The following RSF1 variants were observed in gnomAD, a reference collection of about 807,000 sequenced individuals.
RSF1 encodes HBV pX-associated protein 8.
RSF1 carries 13 observed loss-of-function variants against 145.2 expected under a neutral mutation model. The observed-to-expected ratio is 0.09, with a 90% CI of 0.06 to 0.14. The LOEUF is 0.14. Among genes scored for constraint, RSF1 ranks in the 10% least tolerant of loss-of-function variants. The pLI is 1.00. For synonymous variants in RSF1, 577 were observed against 592.6 expected (o/e 0.97, Z 0.38); for missense variants, 1,517 against 1,718.2 (o/e 0.88, Z 2.07).
chr11:77,832,949 ATATGTGTGTG>A, the RSF1 span, among the ~76,000 whole-genome samples: 4,414 of 96,076 alleles, frequency 0.046, 258 homozygotes, highest in African/African-American at 0.073. Flanking sequence ...TTGTATATAT[ATATGTGTGTG>A]TGTGTGTGTG....
chr11:77,855,637 C>A, the RSF1 span, among the ~76,000 whole-genome samples: 2 of 147,850 alleles, frequency 1.4e-5, no homozygotes, highest in African/African-American at 4.9e-5. Context: ...CCTTTTTTTT[C>A]TTTTATGCCA....
chr11:77,832,951 ATGTG>A, the RSF1 span, among the ~76,000 whole-genome samples: 1,511 of 68,372 alleles, frequency 0.022, 107 homozygotes, highest in South Asian at 0.046. Context: ...GTATATATAT[ATGTG>A]TGTGTGTGTG....
chr11:77,754,709 A>T (rs2135927783), intron 2 of RSF1, among the ~76,000 whole-genome samples: 1 of 152,140 alleles, frequency 6.6e-6, no homozygotes, highest in African/African-American at 2.4e-5. Flanking sequence ...ACACCACTGC[A>T]CTCCAGTCTA....
intron 1 of RSF1, among the ~76,000 whole-genome samples, chr11:77,768,620 G>A (rs1019218491): frequency 2.0e-5 from 3 of 152,070 alleles, no homozygotes; most frequent in African/African-American, 4.8e-5. Flanking sequence ...AGTGGCTACT[G>A]TACTGGATAG....
chr11:77,676,138 T>C (rs1453579638), intron 13 of RSF1, among the ~76,000 whole-genome samples: 1 of 152,216 alleles, frequency 6.6e-6, no homozygotes, highest in Non-Finnish European at 1.5e-5. Flanking sequence ...AGTCTCATAC[T>C]TGTTGATTCC....
At chr11:77,725,202 G>A (rs769461869) in intron 5 of RSF1, among the ~76,000 whole-genome samples, 2 of 152,170 alleles carry the variant, frequency 1.3e-5, no homozygotes, top group Non-Finnish European at 2.9e-5. Context: ...TAATGCCACA[G>A]AACTGTATGG....
chr11:77,768,500 T>C (rs1054516798), intron 1 of RSF1, among the ~76,000 whole-genome samples: 2 of 152,136 alleles, frequency 1.3e-5, no homozygotes, highest in African/African-American at 4.8e-5. Flanking sequence ...TTGTACTAAG[T>C]AAAAGATTTT....
the RSF1 span, among the ~76,000 whole-genome samples, chr11:77,833,505 G>A: frequency 6.6e-6 from 1 of 151,996 alleles, no homozygotes; most frequent in African/African-American, 2.4e-5. Context: ...AGTAATGTGA[G>A]CCACAGGAAG....
chr11:77,798,633 C>T, intron 1 of RSF1, among the ~76,000 whole-genome samples: 1 of 79,888 alleles, frequency 1.3e-5, no homozygotes, highest in Non-Finnish European at 2.5e-5. Context: ...GGCACATATA[C>T]ACCATGGAAT....
chr11:77,748,517 T>G (rs1011644471), intron 2 of RSF1, among the ~76,000 whole-genome samples: 1 of 151,796 alleles, frequency 6.6e-6, no homozygotes, highest in Non-Finnish European at 1.5e-5. Context: ...TGGCTGACAG[T>G]GTTACGTTTT....
chr11:77,714,608 G>A (rs1020740332), intron 5 of RSF1, among the ~76,000 whole-genome samples: 1 of 152,180 alleles, frequency 6.6e-6, no homozygotes, highest in African/African-American at 2.4e-5. Context: ...TTGGGAGGCC[G>A]AGACAGGCAG....
intron 6 of RSF1, 43 bp from the exon 7 acceptor site, chr11:77,698,736 T>C (rs1960342423): frequency 3.3e-6 from 5 of 1,531,922 alleles, no homozygotes; most frequent in Non-Finnish European, 4.5e-6. Context: ...GATATAAGAA[T>C]GTCTTTTAAA....
At chr11:77,791,103 G>C (rs1344030341) in intron 1 of RSF1, among the ~76,000 whole-genome samples, 1 of 152,210 alleles carries the variant, frequency 6.6e-6, no homozygotes, top group Non-Finnish European at 1.5e-5. Flanking sequence ...CACTCCATGA[G>C]GACCCTGCCC....
At chr11:77,842,374 G>A in the RSF1 span, 2 of 1,090,364 alleles carry the variant, frequency 1.8e-6, no homozygotes, top group Non-Finnish European at 2.6e-6. Flanking sequence ...TAAATGAAAA[G>A]ATGCTTCTTA....
chr11:77,821,981 G>A (rs1311264778), upstream of RSF1, among the ~76,000 whole-genome samples: 1 of 152,066 alleles, frequency 6.6e-6, no homozygotes, highest in African/African-American at 2.4e-5. Flanking sequence ...ACAGTAAAGT[G>A]ATTAGCACAG....
At chr11:77,702,925 G>C (rs936750165) in intron 5 of RSF1, 1 of 152,598 alleles carries the variant, frequency 6.6e-6, no homozygotes, top group Non-Finnish European at 1.5e-5. Context: ...CCAGGAACAC[G>C]GCAGTGGGAA....
rs760824899 is a variant in RSF1, at chr11:77,702,409, T to C, written c.820A>G (p.Thr274Ala). 6.2e-7 allele frequency: 1 copy of C among 1,607,882 alleles called. No individual in the cohort carries two copies. Among genetic ancestry groups the C allele is most frequent in the Non-Finnish European group, 8.5e-7 (1 of 1,178,612 alleles). ...NRSTANVLEETTVKKEKEDEK... is the reference protein window; with the variant it reads ...NRSTANVLEEATVKKEKEDEK... ...TCTTCTTTTTCTTTTTTCACAGTAGTCTCTTCTAGAACATTGGCTGTAGAA... is the reference window on the plus strand; with the variant it reads ...TCTTCTTTTTCTTTTTTCACAGTAGCCTCTTCTAGAACATTGGCTGTAGAA... Residue 274 changes from threonine (T) to alanine (A), a missense_variant, in exon 6 of 16, where the codon ACT becomes GCT. By Grantham distance (58) the Thr-to-Ala change is moderately conservative (BLOSUM62 0). Coordinates refer to ENST00000308488, the MANE Select transcript of RSF1 (RefSeq NM_016578.4).
At chr11:77,751,360 C>T (rs1326889048) in intron 2 of RSF1, among the ~76,000 whole-genome samples, 1 of 152,160 alleles carries the variant, frequency 6.6e-6, no homozygotes, top group Non-Finnish European at 1.5e-5. Context: ...CACTTAAGTT[C>T]CAGTCTGGAA....
upstream of RSF1, among the ~76,000 whole-genome samples, chr11:77,822,414 CAA>C (rs66463325): frequency 2.7e-5 from 2 of 74,782 alleles, no homozygotes; most frequent in Non-Finnish European, 2.6e-5. Flanking sequence ...GACTCCACCT[CAA>C]AAAAAAAAAA....
Sources: allele counts gnomAD v4.1 joint callset (sites outside exome capture counted in the v4.1 genomes callset), GRCh38; gene constraint gnomAD v4.1.1; transcripts MANE v1.5; gene names NCBI Gene and HGNC (gene_info 2026-07-23, HGNC 2026-07-21).